LRPPRC: variants seen among roughly 807,000 people sequenced by gnomAD.
LRPPRC encodes leucine-rich PPR motif-containing protein, mitochondrial.
Under a neutral mutation model 180.3 loss-of-function variants are expected in LRPPRC, and 120 were observed. The observed-to-expected ratio is 0.67, with a 90% confidence interval of 0.57 to 0.77. LRPPRC has a LOEUF of 0.77. LRPPRC is among the 30% of genes least tolerant of loss of function. The probability of loss-of-function intolerance (pLI) is 0.00; values close to 1 mark genes in which losing one functional copy is unlikely to be tolerated. For synonymous variants in LRPPRC, 723 were observed against 600.0 expected, an observed-to-expected ratio of 1.21 and a Z score of -3.00; for missense variants, 2,012 against 1,657.2, an observed-to-expected ratio of 1.21 and a Z score of -3.72.
At chr2:43,974,552 C>A in intron 8 of LRPPRC, 62 bp downstream of exon 8, 1 of 1,170,476 alleles carries the variant, frequency 8.5e-7, no homozygotes, top group Non-Finnish European at 1.2e-6. Flanking sequence ...TCCTTTCCAT[C>A]ATGTAAGAAT....
intron 6 of LRPPRC, 25 bp from the exon 7 acceptor site, chr2:43,975,242 T>C: frequency 6.2e-7 from 1 of 1,604,554 alleles, no homozygotes; most frequent in Non-Finnish European, 8.5e-7. Context: ...AAAAAACAGA[T>C]TATTATGCTT....
rs545927119 is a variant in LRPPRC at position 43,925,932 on chromosome 2, C to G, written c.2766G>C (p.Arg922Ser). 8.1e-6 allele frequency: 13 copies of G among 1,612,514 alleles called. No homozygotes were observed. Among genetic ancestry groups the G allele is most frequent in the Non-Finnish European group, 1.0e-5 (12 of 1,178,590 alleles). ...ETPGIRARSA[R>S]LQWFCDRCVA... ...CACATCTGTCACAAAACCACTGAAG[C>G]CTTGCAGATCGAGCTCTAATCCCTG... Residue 922 changes from arginine (R) to serine (S), a missense_variant, in exon 26 of 38, where the codon AGG becomes AGC. Arg to Ser is a moderately radical substitution (Grantham distance 110). Transcript: ENST00000260665.
Position 43,995,785 on chromosome 2 carries a change from G to T in LRPPRC, c.149+14C>A, listed in dbSNP as rs1454774237. 5 of 1,377,498 alleles carry T rather than the reference G, an allele frequency of 3.6e-6. No individual in the cohort carries two copies. The highest frequency in any genetic ancestry group is 5.4e-4 in the Middle Eastern group (2 of 3,692). The allele number at this position is 1,377,498 out of a possible 1,614,324, so 85.3% of individuals were successfully genotyped here. ...GCGCCGCAGCTTGCCTGGAGAAAGG[G>T]CCTGGGCACTCACCCGGCCACGGGC... On this transcript the variant is annotated intron_variant, in intron 1 of 37. Coordinates refer to ENST00000260665, the MANE Select transcript of LRPPRC (RefSeq NM_133259.4).
At chr2:43,963,916 A>C (rs1397960497) in intron 11 of LRPPRC, 1 of 589,532 alleles carries the variant, frequency 1.7e-6, no homozygotes, top group Non-Finnish European at 3.0e-6. Flanking sequence ...GAAACAGTAA[A>C]TTTCAAGAAA....
At position 43,946,181 on chromosome 2, in the gene LRPPRC, A is replaced by G. The variant is rs2105082603; in HGVS notation, c.2142T>C (p.Tyr714=). 1 of 1,611,078 alleles carries G rather than the reference A, an allele frequency of 6.2e-7. No individual in the cohort carries two copies. The highest frequency in any genetic ancestry group is 1.3e-5 in the African/African-American group (1 of 74,968). Residue 714 remains tyrosine (Y), a synonymous_variant, in exon 21 of 38, where the codon TAT becomes TAC. Transcript: ENST00000260665. ...GACAGCATAAATTTATTAAAGCTGC[A>G]TAGCCACCAGTAACCATGTCGGATT... ...KYESDMVTGG[Y]AALINLCCRH...
intron 27 of LRPPRC, 58 bp from the exon 28 acceptor site, chr2:43,918,456 A>C: frequency 8.3e-7 from 1 of 1,209,170 alleles, no homozygotes; most frequent in Non-Finnish European, 1.2e-6. Context: ...GAATACACAA[A>C]AATATTTAGA....
intron 25 of LRPPRC, among the ~76,000 whole-genome samples, chr2:43,928,657 A>T (rs1671975432): frequency 1.3e-5 from 2 of 152,100 alleles, no homozygotes; most frequent in Non-Finnish European, 2.9e-5. Flanking sequence ...AGACTGAAAT[A>T]GGAGAACTGC....
At chr2:43,914,080 C>A (rs879686866) in intron 29 of LRPPRC, among the ~76,000 whole-genome samples, 5 of 152,084 alleles carry the variant, frequency 3.3e-5, no homozygotes, top group Admixed American at 3.3e-4. Flanking sequence ...CATTCAATAC[C>A]CAATGCTTTT....
At chr2:43,935,912 C>T (rs940635706) in intron 23 of LRPPRC, among the ~76,000 whole-genome samples, 2 of 151,972 alleles carry the variant, frequency 1.3e-5, no homozygotes, top group Admixed American at 6.6e-5. Flanking sequence ...GGAGAAACCC[C>T]ATCTCTATTA....
chr2:43,949,119 T>TA (rs1276464715), intron 16 of LRPPRC, among the ~76,000 whole-genome samples: 1 of 152,164 alleles, frequency 6.6e-6, no homozygotes, highest in Non-Finnish European at 1.5e-5. Flanking sequence ...GATAGAAATG[T>TA]AAACTTTCAA....
At chr2:43,976,453 G>A (rs1378607284) in intron 5 of LRPPRC, among the ~76,000 whole-genome samples, 3 of 151,872 alleles carry the variant, frequency 2.0e-5, no homozygotes, top group African/African-American at 7.3e-5. Context: ...ACAAATACTA[G>A]ATTTTTAAAA....
intron 21 of LRPPRC, 53 bp downstream of exon 21, chr2:43,946,060 G>C: frequency 6.4e-7 from 1 of 1,564,786 alleles, no homozygotes; most frequent in East Asian, 2.2e-5. Flanking sequence ...ATCTATCAAG[G>C]TCTGTAGAGC....
rs1267620184 is a variant in LRPPRC, at chr2:43,925,100, C to T, written c.2863G>A (p.Asp955Asn). ...TTTAGCAGATTGTAGTACATCTGGTCTCTATCACATTCAAATAGCTTCTGT... is the reference window on the plus strand; with the variant it reads ...TTTAGCAGATTGTAGTACATCTGGTTTCTATCACATTCAAATAGCTTCTGT... ...LTQKLFECDR[D>N]QMYYNLLKLY... Residue 955 changes from aspartate (D) to asparagine (N), a missense_variant, in exon 27 of 38, where the codon GAC (aspartate) becomes AAC (asparagine). Transcript: ENST00000260665. The T allele has an allele frequency of 6.3e-7, 1 of 1,598,342 alleles. No homozygotes were observed. Among genetic ancestry groups the T allele is most frequent in the Non-Finnish European group, 8.6e-7 (1 of 1,165,734 alleles).
intron 30 of LRPPRC, among the ~76,000 whole-genome samples, chr2:43,908,527 G>A (rs957603949): frequency 3.3e-5 from 5 of 151,786 alleles, no homozygotes; most frequent in Non-Finnish European, 5.9e-5. Context: ...TAATTCATAG[G>A]AAAACTATGG....
At chr2:43,960,082 T>C (rs1052418609) in intron 13 of LRPPRC, among the ~76,000 whole-genome samples, 9 of 152,172 alleles carry the variant, frequency 5.9e-5, no homozygotes, top group Admixed American at 4.6e-4. Flanking sequence ...TTTAAAAATG[T>C]TTAGTAAACA....
chr2:43,954,390 T>C (rs1243357263), intron 14 of LRPPRC, among the ~76,000 whole-genome samples: 2 of 152,254 alleles, frequency 1.3e-5, no homozygotes, highest in Non-Finnish European at 2.9e-5. Flanking sequence ...TTGAAAATTA[T>C]ACATTAAGAT....
chr2:43,963,381 T>C (rs1441714123), intron 12 of LRPPRC: 8 of 616,950 alleles, frequency 1.3e-5, no homozygotes, highest in Admixed American at 8.3e-5. Flanking sequence ...GAGGCAAAGG[T>C]TGCAGTGAGC....
chr2:43,940,955 G>C (rs969352788), intron 23 of LRPPRC, among the ~76,000 whole-genome samples: 2 of 152,144 alleles, frequency 1.3e-5, no homozygotes, highest in Admixed American at 6.5e-5. Context: ...ACGTGGCTTA[G>C]AGACTGTAAT....
intron 23 of LRPPRC, among the ~76,000 whole-genome samples, chr2:43,942,702 C>T (rs1278281918): frequency 6.6e-6 from 1 of 151,808 alleles, no homozygotes; most frequent in Admixed American, 6.6e-5. Flanking sequence ...ACATGAGAAC[C>T]GTTAAAATAC....
Sources: allele counts gnomAD v4.1 joint callset (sites outside exome capture counted in the v4.1 genomes callset), GRCh38; gene constraint gnomAD v4.1.1; transcripts MANE v1.5; gene names NCBI Gene and HGNC (gene_info 2026-07-23, HGNC 2026-07-21).